FAM83A: variants seen among roughly 807,000 people sequenced by gnomAD.
The protein encoded by FAM83A is scaffolding CK1 anchoring protein A, also known as protein FAM83A.
Under a neutral mutation model 24.4 loss-of-function variants are expected in FAM83A, and 21 were observed. The observed-to-expected ratio is 0.86, with a 90% CI of 0.61 to 1.24. FAM83A has a LOEUF of 1.24. Among genes scored for constraint, FAM83A ranks in the 50% most tolerant of loss-of-function variants. FAM83A has a pLI of 0.00. For synonymous variants in FAM83A, 270 were observed against 252.4 expected, an observed-to-expected ratio of 1.07 and a Z score of -0.66; for missense variants, 617 against 579.8, an observed-to-expected ratio of 1.06 and a Z score of -0.66.
In FAM83A at chr8:123,209,376, T is replaced by C; in HGVS notation, c.*1688T>C. On this transcript the variant is annotated 3_prime_UTR_variant, in exon 4 of 4. Coordinates refer to ENST00000690554, the Ensembl canonical transcript of FAM83A. The surrounding 1 kb of genome is among the most constrained non-coding windows in gnomAD (Gnocchi z 4.7). ...TGGCTTCTGGTTTCTTTTATTATTA[T>C]TATTATTATTAATTATTGTATTCCT... 6 of 1,487,774 alleles carry C rather than the reference T, an allele frequency of 4.0e-6. No individual in the cohort carries two copies. Among genetic ancestry groups the C allele is most frequent in the Non-Finnish European group, 5.3e-6 (6 of 1,121,780 alleles). The allele number at this position is 1,487,774 out of a possible 1,614,324, so 92.2% of individuals were successfully genotyped here. A position where few individuals can be genotyped will look rare whatever the true frequency, so the allele number is the denominator to read the frequency against.
At chr8:123,190,427 ATT>A (rs567254834) in intron 1 of FAM83A, among the ~76,000 whole-genome samples, 8 of 137,380 alleles carry the variant, frequency 5.8e-5, no homozygotes, top group Admixed American at 7.3e-5. Context: ...AGTCCAGCTA[ATT>A]TTTTTTTTTT....
At chr8:123,200,969 ATAT>A (rs1563787797) in intron 3 of FAM83A, among the ~76,000 whole-genome samples, 2 of 127,352 alleles carry the variant, frequency 1.6e-5, no homozygotes, top group South Asian at 4.7e-4. Flanking sequence ...AAAAAAAAAA[ATAT>A]ATATATATAT....
chr8:123,208,669 G>T (rs1824641986), exon 4 of FAM83A: 2 of 985,370 alleles, frequency 2.0e-6, no homozygotes, highest in Admixed American at 6.1e-5. Flanking sequence ...GCACAGCCTA[G>T]CTGAGTGCAA....
exon 4 of FAM83A, chr8:123,207,710 T>TCC (rs1207751581): frequency 1.2e-5 from 18 of 1,449,834 alleles, no homozygotes; most frequent in Non-Finnish European, 1.6e-5. Flanking sequence ...CCTGCTGCCC[T>TCC]CCGCAGGCCC....
chr8:123,207,652 C>A, exon 4 of FAM83A: 8 of 1,538,130 alleles, frequency 5.2e-6, no homozygotes, highest in Non-Finnish European at 7.0e-6. Context: ...TGACTCCAAC[C>A]TGGAGGCCCT....
At position 123,209,470 on chromosome 8, in the gene FAM83A, A is replaced by C. The variant is rs1212409108; in HGVS notation, c.*1782A>C. ...CAAAACAAAAACAAAAAAACAAACAACACTTTGGTTCCTGATGGCTTTCTG... is the reference window on the plus strand; with the variant it reads ...CAAAACAAAAACAAAAAAACAAACACCACTTTGGTTCCTGATGGCTTTCTG... On this transcript the variant is annotated 3_prime_UTR_variant, in exon 4 of 4. Coordinates refer to ENST00000690554, the Ensembl canonical transcript of FAM83A. The surrounding 1 kb of genome is among the most constrained non-coding windows in gnomAD (Gnocchi z 4.7). 1.5e-5 allele frequency: 25 copies of C among 1,614,162 alleles called. No homozygotes were observed. The highest frequency in any genetic ancestry group is 5.0e-5 in the Admixed American group (3 of 60,010).
chr8:123,189,385 G>A (rs1360362781), intron 1 of FAM83A, among the ~76,000 whole-genome samples: 1 of 152,144 alleles, frequency 6.6e-6, no homozygotes, highest in Non-Finnish European at 1.5e-5. Context: ...CCCAGATGGC[G>A]GTGGTTTTAA....
At chr8:123,193,315 C>T (rs866287869) in intron 2 of FAM83A, among the ~76,000 whole-genome samples, 1 of 152,232 alleles carries the variant, frequency 6.6e-6, no homozygotes, top group African/African-American at 2.4e-5. Context: ...AAGCCACTTA[C>T]AAGGCAGGGC....
In FAM83A at chr8:123,183,010, C is replaced by T. The variant is rs145588458; in HGVS notation, c.154C>T (p.Arg52Trp). 2.1e-5 allele frequency: 33 copies of T among 1,604,720 alleles called. No individual in the cohort carries two copies. Among genetic ancestry groups the T allele is most frequent in the East Asian group, 8.9e-5 (4 of 44,774 alleles). Reference sequence around the variant, plus strand: ...GGATGGGGGTTCTGAAGCCTACTGGCGGGTGCTCAGCCAGGAAGGCGAGGT... The same window carrying T: ...GGATGGGGGTTCTGAAGCCTACTGGTGGGTGCTCAGCCAGGAAGGCGAGGT... The change falls in exon 1 of 4, where the codon CGG becomes TGG. Residue 52 changes from arginine to tryptophan, a missense_variant. Transcript: ENST00000690554.
Position 123,209,486 on chromosome 8 carries a change from T to C in FAM83A, c.*1798T>C. ...AAACAAACAACACTTTGGTTCCTGATGGCTTTCTGAACCCAGCCCTGACCT... is the reference window on the plus strand; with the variant it reads ...AAACAAACAACACTTTGGTTCCTGACGGCTTTCTGAACCCAGCCCTGACCT... On this transcript the variant is annotated 3_prime_UTR_variant, in exon 4 of 4. Transcript: ENST00000690554. The surrounding 1 kb of genome is among the most constrained non-coding windows in gnomAD (Gnocchi z 4.7). The C allele has an allele frequency of 6.2e-7, 1 of 1,614,240 alleles. No homozygotes were observed. The highest frequency in any genetic ancestry group is 8.5e-7 in the Non-Finnish European group (1 of 1,180,040).
chr8:123,182,894 G>A lies in FAM83A; in HGVS notation c.38G>A (p.Arg13His), dbSNP rs779242915. The A allele has an allele frequency of 2.8e-5, 43 of 1,532,026 alleles. No individual in the cohort carries two copies. Among genetic ancestry groups the A allele is most frequent in the South Asian group, 1.5e-4 (12 of 77,446 alleles). The allele number at this position is 1,532,026 out of a possible 1,614,324, so 94.9% of individuals were successfully genotyped here. A position where few individuals can be genotyped will look rare whatever the true frequency, so the allele number is the denominator to read the frequency against. ...AGGCACCTGGGCAAAATCCGGAAGCGTCTGGAAGATGTCAAGAGCCAGTGG... is the reference window on the plus strand; with the variant it reads ...AGGCACCTGGGCAAAATCCGGAAGCATCTGGAAGATGTCAAGAGCCAGTGG... The change falls in exon 1 of 4, where the codon CGT becomes CAT. Residue 13 changes from arginine to histidine, a missense_variant. Physicochemically the swap from Arg to His is conservative, Grantham distance 29. Transcript: ENST00000690554.
intron 3 of FAM83A, among the ~76,000 whole-genome samples, chr8:123,205,720 G>A (rs2131107065): frequency 6.6e-6 from 1 of 152,240 alleles, no homozygotes; most frequent in South Asian, 2.1e-4. Flanking sequence ...GTTCACCTGA[G>A]CAGGAGCCCA....
Position 123,191,924 on chromosome 8 carries a change from T to C in FAM83A, c.602T>C (p.Phe201Ser), listed in dbSNP as rs556300862. Residue 201 changes from phenylalanine (F) to serine (S), a missense_variant, in exon 2 of 4, where the codon TTC (phenylalanine) becomes TCC (serine). By Grantham distance (155) the Phe-to-Ser change is radical. Transcript: ENST00000690554. Reference sequence around the variant, plus strand: ...CTGGACCAGGGAGGTGTGAAGCTCTTCCAGGAGATGTGTGACAAAGTCCAG... The same window carrying C: ...CTGGACCAGGGAGGTGTGAAGCTCTCCCAGGAGATGTGTGACAAAGTCCAG... The C allele has an allele frequency of 3.1e-6, 5 of 1,614,144 alleles. No homozygotes were observed. The East Asian group carries it at 1.1e-4, about 36-fold the overall frequency.
Position 123,191,981 on chromosome 8 carries a change from CA to C in FAM83A, c.648+13del. On this transcript the variant is annotated intron_variant, in intron 2 of 3. Transcript: ENST00000690554. ...GACAGTCACCTCAAGGTAGGGGCCC[CA>C]ATGAGAGTCCTAAGGGTACTCATAT... 1 of 1,613,686 alleles carries C rather than the reference CA, an allele frequency of 6.2e-7. No homozygotes were observed. The highest frequency in any genetic ancestry group is 8.5e-7 in the Non-Finnish European group (1 of 1,179,774).
exon 1 of FAM83A, chr8:123,183,226 G>A (rs1823671507): frequency 5.0e-6 from 8 of 1,613,364 alleles, no homozygotes; most frequent in South Asian, 2.2e-5. Flanking sequence ...CTGGGCCTCA[G>A]CTGAGAAGCC....
rs550727051 is a variant in FAM83A, at chr8:123,184,917, C to T, written c.480+1581C>T. Among the ~76,000 whole-genome samples the T allele has an allele frequency of 8.5e-5, 13 of 152,304 alleles. No individual in the cohort carries two copies. In the South Asian group the frequency reaches 2.7e-3, roughly 32 times the overall value. ...CCCAGTCTCATAACTGAATTCCCTC[C>T]CAAGTTCAATACCGTGTGAAATCTT... is the stretch of plus-strand genomic sequence containing the variant. On this transcript the variant is annotated intron_variant, in intron 1 of 3. Transcript: ENST00000690554.
chr8:123,191,780 C>T, intron 1 of FAM83A, 23 bp from the exon 2 acceptor site: 1 of 1,611,556 alleles, frequency 6.2e-7, no homozygotes, highest in Non-Finnish European at 8.5e-7. Flanking sequence ...TTTCTGGTAA[C>T]TGAGCACTCT....
exon 4 of FAM83A, chr8:123,207,339 T>G (rs1263924360): frequency 6.2e-7 from 1 of 1,611,444 alleles, no homozygotes; most frequent in Middle Eastern, 1.7e-4. Flanking sequence ...AATGGCCGCC[T>G]TAGCAGCAGC....
At chr8:123,186,981 C>T (rs1056047407) in intron 1 of FAM83A, among the ~76,000 whole-genome samples, 6 of 152,256 alleles carry the variant, frequency 3.9e-5, no homozygotes, top group African/African-American at 1.2e-4. Context: ...CGATGGCAGT[C>T]CCAGGCTTGG....
Sources: gnomAD v4.1 joint callset for allele counts (sites outside exome capture counted in the v4.1 genomes callset) on GRCh38, gnomAD v4.1.1 for gene constraint, Gnocchi (gnomAD v3.1) non-coding constraint, MANE v1.5 for transcripts, NCBI Gene and HGNC (gene_info 2026-07-23, HGNC 2026-07-21) for gene names.